The following SPATS1 variants were observed in gnomAD, a reference collection of about 807,000 sequenced individuals.
The protein encoded by SPATS1 is spermatogenesis-associated serine-rich protein 1.
Under a neutral mutation model 33.6 loss-of-function variants are expected in SPATS1, and 23 were observed. The ratio of observed to expected loss-of-function variants is 0.68; its 90% confidence interval spans 0.49 to 0.97. SPATS1 has a LOEUF of 0.97. Ranked by LOEUF, SPATS1 falls within the 50% of genes least tolerant of loss-of-function variation. The pLI is 0.00. For synonymous variants in SPATS1, 131 were observed against 125.6 expected (o/e 1.04, Z -0.29); for missense variants, 327 against 361.0 (o/e 0.91, Z 0.76).
intron 2 of SPATS1, among the ~76,000 whole-genome samples, chr6:44,349,379 T>C (rs1788101511): frequency 6.6e-6 from 1 of 150,488 alleles, no homozygotes; most frequent in African/African-American, 2.4e-5. Flanking sequence ...AGGTGGAAAG[T>C]GTGGACAATA....
chr6:44,364,022 C>T (rs923463887), intron 5 of SPATS1, among the ~76,000 whole-genome samples: 1 of 152,034 alleles, frequency 6.6e-6, no homozygotes, highest in Non-Finnish European at 1.5e-5. Flanking sequence ...CAAACAATAG[C>T]AAAATGAAAC....
intron 5 of SPATS1, among the ~76,000 whole-genome samples, chr6:44,366,125 A>T (rs995965967): frequency 1.3e-3 from 38 of 29,798 alleles, no homozygotes; most frequent in African/African-American, 1.6e-3. Flanking sequence ...ATATATATAT[A>T]TATTTTTTTT....
intron 3 of SPATS1, among the ~76,000 whole-genome samples, chr6:44,357,368 C>A (rs1788654075): frequency 6.6e-6 from 1 of 152,004 alleles, no homozygotes; most frequent in East Asian, 1.9e-4. Flanking sequence ...CCTTCCTTAC[C>A]CAGTTTTTGT....
intron 8 of SPATS1, among the ~76,000 whole-genome samples, chr6:44,376,801 A>C (rs1227737649): frequency 1.3e-5 from 2 of 152,096 alleles, no homozygotes; most frequent in African/African-American, 2.4e-5. Context: ...ACTTTGCCTC[A>C]AACACAAACA....
intron 2 of SPATS1, among the ~76,000 whole-genome samples, chr6:44,350,103 A>G (rs1357957277): frequency 2.0e-5 from 3 of 152,208 alleles, no homozygotes; most frequent in Non-Finnish European, 4.4e-5. Flanking sequence ...GCTCTAGGGC[A>G]TATTCCAGAG....
intron 3 of SPATS1, among the ~76,000 whole-genome samples, chr6:44,354,039 A>G (rs911314971): frequency 1.3e-5 from 2 of 149,180 alleles, no homozygotes; most frequent in African/African-American, 2.5e-5. Context: ...CTTCGCCTCA[A>G]AAAAAAAAAA....
At chr6:44,354,527 A>G (rs1010861789) in intron 3 of SPATS1, among the ~76,000 whole-genome samples, 1 of 152,078 alleles carries the variant, frequency 6.6e-6, no homozygotes, top group East Asian at 1.9e-4. Context: ...TACTTTTTAA[A>G]AAGATTTATT....
At position 44,377,365 on chromosome 6, in the gene SPATS1, C is replaced by T. The variant is rs770783769; in HGVS notation, c.*302C>T. 2 of 468,544 alleles carry T rather than the reference C, an allele frequency of 4.3e-6. No homozygotes were observed. Among genetic ancestry groups the T allele is most frequent in the African/African-American group, 2.0e-5 (1 of 50,750 alleles). The allele number at this position is 468,544 out of a possible 1,614,324, so 29.0% of individuals were successfully genotyped here. A position where few individuals can be genotyped will look rare whatever the true frequency, so the allele number is the denominator to read the frequency against. On this transcript the variant is annotated 3_prime_UTR_variant, in exon 9 of 9. Transcript: ENST00000674044. ...TGCTGAACTCTTTGAGAGTGAGTGGCAGATATTGTAACCCTTTACACCTGT... is the reference window on the plus strand; with the variant it reads ...TGCTGAACTCTTTGAGAGTGAGTGGTAGATATTGTAACCCTTTACACCTGT...
At chr6:44,370,952 A>G (rs1239928756) in intron 7 of SPATS1, among the ~76,000 whole-genome samples, 1 of 151,154 alleles carries the variant, frequency 6.6e-6, no homozygotes, top group Non-Finnish European at 1.5e-5. Context: ...CAGAATACCA[A>G]TTAGTCTGGT....
intron 2 of SPATS1, among the ~76,000 whole-genome samples, chr6:44,343,877 G>A (rs1787715737): frequency 6.6e-6 from 1 of 152,018 alleles, no homozygotes; most frequent in African/African-American, 2.4e-5. Context: ...CCTGAGTGCT[G>A]CAAAAAGGGG....
chr6:44,351,055 G>A (rs1583079173), intron 2 of SPATS1, among the ~76,000 whole-genome samples: 2 of 149,640 alleles, frequency 1.3e-5, no homozygotes, highest in East Asian at 2.0e-4. Flanking sequence ...ACCCAGAGGC[G>A]GAGGTGGCAG....
intron 3 of SPATS1, among the ~76,000 whole-genome samples, chr6:44,356,105 A>T (rs1386321801): frequency 6.6e-6 from 1 of 151,950 alleles, no homozygotes; most frequent in Admixed American, 6.6e-5. Context: ...AGGCCCCCAA[A>T]CTCAACATGC....
chr6:44,353,436 A>C (rs1465912985), intron 3 of SPATS1, among the ~76,000 whole-genome samples: 1 of 152,048 alleles, frequency 6.6e-6, no homozygotes, highest in African/African-American at 2.4e-5. Context: ...CCCAGGCTGG[A>C]GTAGAGTGGT....
chr6:44,355,601 T>C (rs1424193131), intron 3 of SPATS1, among the ~76,000 whole-genome samples: 1 of 152,250 alleles, frequency 6.6e-6, no homozygotes, highest in Non-Finnish European at 1.5e-5. Flanking sequence ...TGCGTGTCCC[T>C]GTACATTCAG....
intron 7 of SPATS1, among the ~76,000 whole-genome samples, chr6:44,376,087 T>C (rs144012474): frequency 7.3e-4 from 110 of 151,390 alleles, no homozygotes; most frequent in African/African-American, 2.0e-3. Context: ...GCCTGGGCGA[T>C]GGAGTGAGAC....
At chr6:44,372,852 A>G (rs1789709367) in intron 7 of SPATS1, among the ~76,000 whole-genome samples, 1 of 152,182 alleles carries the variant, frequency 6.6e-6, no homozygotes, top group Non-Finnish European at 1.5e-5. Context: ...AAGCTTTGTT[A>G]GGGCGTGTCT....
chr6:44,353,294 G>A (rs368706751), intron 3 of SPATS1, among the ~76,000 whole-genome samples: 1 of 152,204 alleles, frequency 6.6e-6, no homozygotes, highest in South Asian at 2.1e-4. Context: ...TATCGTAAGA[G>A]TCACAATTAG....
chr6:44,346,131 A>G (rs959768181), intron 2 of SPATS1, among the ~76,000 whole-genome samples: 3 of 151,906 alleles, frequency 2.0e-5, no homozygotes. Context: ...AAATACAACA[A>G]CAACAAAAAA....
chr6:44,347,451 T>C (rs1487351280), intron 2 of SPATS1, among the ~76,000 whole-genome samples: 1 of 152,202 alleles, frequency 6.6e-6, no homozygotes, highest in Non-Finnish European at 1.5e-5. Context: ...CCCCAGTTTA[T>C]AGTTTGCTAT....
Sources: allele counts gnomAD v4.1 joint callset (sites outside exome capture counted in the v4.1 genomes callset), GRCh38; gene constraint gnomAD v4.1.1; transcripts MANE v1.5; gene names NCBI Gene and HGNC (gene_info 2026-07-23, HGNC 2026-07-21).